Variants in SCN8A observed in about 807,000 individuals in gnomAD.
SCN8A encodes sodium channel protein type 8 subunit alpha.
A neutral mutation model predicts 184.1 loss-of-function variants in SCN8A; 30 were observed. The ratio of observed to expected loss-of-function variants is 0.16; its 90% CI spans 0.12 to 0.22. The LOEUF (loss-of-function observed/expected upper bound fraction) is 0.22, where lower values mean the gene tolerates loss of function less well. Ranked by LOEUF, SCN8A falls within the 10% of genes least tolerant of loss-of-function variation. The pLI, the probability that SCN8A is intolerant of heterozygous loss-of-function variation, is 1.00. For missense variants in SCN8A, 1,057 were observed against 2,498.9 expected, an observed-to-expected ratio of 0.42 and a Z score of 12.30; for synonymous variants, 852 against 907.0, an observed-to-expected ratio of 0.94 and a Z score of 1.09.
At chr12:51,665,748 G>T (rs1310976756) in intron 2 of SCN8A, among the ~76,000 whole-genome samples, 1 of 152,076 alleles carries the variant, frequency 6.6e-6, no homozygotes, top group Non-Finnish European at 1.5e-5. Flanking sequence ...GCTTTATGTA[G>T]CACAGGAACC....
At chr12:51,728,606 G>A (rs955028842) in intron 12 of SCN8A, among the ~76,000 whole-genome samples, 9 of 151,836 alleles carry the variant, frequency 5.9e-5, no homozygotes, top group East Asian at 1.9e-4. Context: ...GTGGTGTCAC[G>A]CACCTTTAGT....
chr12:51,771,934 GCTCTT>G (rs990204316), intron 19 of SCN8A, among the ~76,000 whole-genome samples: 23 of 152,130 alleles, frequency 1.5e-4, no homozygotes, highest in African/African-American at 4.6e-4. Context: ...CCATCATTTG[GCTCTT>G]CTCTTTCCCA....
At chr12:51,641,010 A>G (rs1398370214) in intron 1 of SCN8A, among the ~76,000 whole-genome samples, 2 of 152,240 alleles carry the variant, frequency 1.3e-5, no homozygotes, top group African/African-American at 2.4e-5. Flanking sequence ...TGTTAATACA[A>G]TACAAGTGAG....
intron 1 of SCN8A, among the ~76,000 whole-genome samples, chr12:51,597,086 T>A (rs1459338824): frequency 6.6e-6 from 1 of 152,108 alleles, no homozygotes; most frequent in Non-Finnish European, 1.5e-5. Flanking sequence ...TTTCCTTGGG[T>A]GTATGGAGAT....
chr12:51,639,050 G>T (rs530939617), intron 1 of SCN8A, among the ~76,000 whole-genome samples: 13 of 151,170 alleles, frequency 8.6e-5, no homozygotes, highest in Non-Finnish European at 1.9e-4. Context: ...GTGCAATTAT[G>T]GCTCACTGCA....
At position 51,751,349 on chromosome 12, in the gene SCN8A, C is replaced by A. The variant is rs754118322; in HGVS notation, c.2132-6C>A. On this transcript the variant is annotated splice_region_variant and splice_polypyrimidine_tract_variant and intron_variant, in intron 13 of 26. Transcript: ENST00000627620. ...GAGGGGCCATCTTTGTTCTTACTTA[C>A]TGTAGAACTGGAAGAGTCTCAGAGA... The A allele has an allele frequency of 1.9e-6, 3 of 1,602,714 alleles. No homozygotes were observed. The highest frequency in any genetic ancestry group is 2.6e-6 in the Non-Finnish European group (3 of 1,170,950).
intron 2 of SCN8A, among the ~76,000 whole-genome samples, chr12:51,682,075 T>C (rs992576606): frequency 6.6e-6 from 1 of 152,268 alleles, no homozygotes; most frequent in Admixed American, 6.5e-5. Context: ...TGCTTTTTTC[T>C]GCATCTATTA....
intron 19 of SCN8A, among the ~76,000 whole-genome samples, chr12:51,773,807 C>T (rs969291108): frequency 2.0e-5 from 3 of 150,910 alleles, no homozygotes; most frequent in Admixed American, 6.6e-5. Flanking sequence ...ATTACTCAGC[C>T]GTAAGAAGGA....
intron 26 of SCN8A, among the ~76,000 whole-genome samples, chr12:51,804,495 C>CT (rs35338908): frequency 0.023 from 3,223 of 142,280 alleles, 195 homozygotes; most frequent in African/African-American, 0.073. Flanking sequence ...ATTTTTGTAC[C>CT]TTTTTTTTTT....
At chr12:51,616,105 A>G (rs1435627648) in intron 1 of SCN8A, among the ~76,000 whole-genome samples, 1 of 152,028 alleles carries the variant, frequency 6.6e-6, no homozygotes. Context: ...TACCACTTCT[A>G]TTGCTCTTCC....
intron 11 of SCN8A, chr12:51,713,652 C>T (rs1009776710): frequency 6.7e-5 from 38 of 566,494 alleles, no homozygotes; most frequent in East Asian, 4.0e-4. Context: ...CACTCATCTC[C>T]GACCTATTTC....
At chr12:51,708,172 T>G (rs1267541901) in intron 11 of SCN8A, among the ~76,000 whole-genome samples, 1 of 152,210 alleles carries the variant, frequency 6.6e-6, no homozygotes, top group African/African-American at 2.4e-5. Flanking sequence ...AGAATTGCAT[T>G]TAATTATAGG....
rs188943298 is a variant in SCN8A at position 51,764,688 on chromosome 12, C to T, written c.2545-983C>T. Reference sequence around the variant, plus strand: ...TAATTAACACTCTGTTAGCCAAGATCTTGTGATTATTTATTACAGAATATA... The same window carrying T: ...TAATTAACACTCTGTTAGCCAAGATTTTGTGATTATTTATTACAGAATATA... On this transcript the variant is annotated intron_variant, in intron 15 of 26. Transcript: ENST00000627620. Among the ~76,000 whole-genome samples, 6 of 151,440 alleles carry T rather than the reference C, an allele frequency of 4.0e-5. No individual in the cohort carries two copies. In the East Asian group the frequency reaches 1.2e-3, roughly 29 times the overall value.
chr12:51,665,703 A>G (rs868811531), intron 2 of SCN8A, among the ~76,000 whole-genome samples: 8 of 152,224 alleles, frequency 5.3e-5, no homozygotes, highest in African/African-American at 1.7e-4. Flanking sequence ...TTAAATTGAC[A>G]TAACATAGAT....
intron 1 of SCN8A, among the ~76,000 whole-genome samples, chr12:51,598,586 G>C (rs1225847821): frequency 6.6e-6 from 1 of 151,960 alleles, no homozygotes; most frequent in Non-Finnish European, 1.5e-5. Flanking sequence ...TTCTCAGAAG[G>C]CTCTGTTGAC....
chr12:51,684,951 T>C (rs1941395550), intron 3 of SCN8A, among the ~76,000 whole-genome samples: 4 of 152,186 alleles, frequency 2.6e-5, no homozygotes, highest in Admixed American at 6.5e-5. Context: ...TGATGTTGCA[T>C]GGTGGCTTGA....
rs1938866204 is a variant in SCN8A, at chr12:51,810,731, C to T, written c.*3302C>T. The stretch of plus-strand genomic sequence containing the variant: ...GTTTGTGTGTGAAAAACATTTTCCC[C>T]CTCTTCTTTCCTTAACCTCCTTGTT... On this transcript the variant is annotated 3_prime_UTR_variant, in exon 27 of 27. Transcript: ENST00000627620. 1 of 152,926 alleles carries T rather than the reference C, an allele frequency of 6.5e-6. No individual in the cohort carries two copies. The highest frequency in any genetic ancestry group is 1.5e-5 in the Non-Finnish European group (1 of 68,668). 9.5% of individuals were successfully genotyped at this position (152,926 alleles called of 1,614,324 possible).
intron 2 of SCN8A, among the ~76,000 whole-genome samples, chr12:51,673,662 T>C (rs188317126): frequency 1.3e-5 from 2 of 152,352 alleles, no homozygotes; most frequent in Admixed American, 1.3e-4. Context: ...ATGTATGAAC[T>C]GTCTACCTTG....
At chr12:51,745,420 C>G (rs1452104851) in intron 12 of SCN8A, among the ~76,000 whole-genome samples, 1 of 152,124 alleles carries the variant, frequency 6.6e-6, no homozygotes, top group Non-Finnish European at 1.5e-5. Flanking sequence ...TAATGGTGCT[C>G]CTACTCAAGG....
Sources: gnomAD v4.1 joint callset for allele counts (sites outside exome capture counted in the v4.1 genomes callset) on GRCh38, gnomAD v4.1.1 for gene constraint, MANE v1.5 for transcripts, NCBI Gene and HGNC (gene_info 2026-07-23, HGNC 2026-07-21) for gene names.